GPR107: variants seen among roughly 807,000 people sequenced by gnomAD.
GPR107 encodes protein GPR107.
Under a neutral mutation model 75.5 loss-of-function variants are expected in GPR107, and 31 were observed. That is an observed-to-expected ratio of 0.41 (90% CI 0.31 to 0.55). The LOEUF (loss-of-function observed/expected upper bound fraction) is 0.55. Among genes scored for constraint, GPR107 ranks in the 20% least tolerant of loss-of-function variants. GPR107 has a pLI of 0.26. For synonymous variants in GPR107, 267 were observed against 251.3 expected, an observed-to-expected ratio of 1.06 and a Z score of -0.59; for missense variants, 572 against 665.7, an observed-to-expected ratio of 0.86 and a Z score of 1.55.
chr9:130,126,975 G>T (rs1286622388), intron 15 of GPR107, among the ~76,000 whole-genome samples: 2 of 152,178 alleles, frequency 1.3e-5, no homozygotes, highest in Non-Finnish European at 2.9e-5. Context: ...ACTGCAAGGA[G>T]AAATGAAGGC....
intron 17 of GPR107, chr9:130,129,650 A>C (rs1221616727): frequency 6.6e-6 from 1 of 152,300 alleles, no homozygotes; most frequent in African/African-American, 2.4e-5. Context: ...TAAACAGTGG[A>C]GAGGAGTGCA....
rs558269421 is a variant in GPR107, at chr9:130,104,504, C to T, written c.1216C>T (p.Leu406=). The T allele has an allele frequency of 6.2e-7, 1 of 1,613,576 alleles. No homozygotes were observed. The highest frequency in any genetic ancestry group is 1.1e-5 in the South Asian group (1 of 91,060). ...EYGLWKDSLF[L]VDLLCCGAIL... ...TGGCTTGTGGAAGGACTCTCTATTT[C>T]TGGTCGACCTGTTGTGTTGTGGTGC... Residue 406 remains leucine (L), a synonymous_variant, in exon 13 of 18, where the codon CTG becomes TTG. Transcript: ENST00000347136.
chr9:130,119,385 C>T (rs546111186), intron 14 of GPR107, among the ~76,000 whole-genome samples: 1 of 152,304 alleles, frequency 6.6e-6, no homozygotes, highest in African/African-American at 2.4e-5. Flanking sequence ...TGGGCTAATC[C>T]TATATGACAC....
At chr9:130,133,942 C>T (rs1342542894) in intron 17 of GPR107, among the ~76,000 whole-genome samples, 2 of 152,148 alleles carry the variant, frequency 1.3e-5, no homozygotes, top group Non-Finnish European at 2.9e-5. Context: ...GGTCCAGCTG[C>T]ATGCACTCTA....
At chr9:130,065,139 G>A (rs1210344052) in intron 1 of GPR107, among the ~76,000 whole-genome samples, 1 of 152,128 alleles carries the variant, frequency 6.6e-6, no homozygotes, top group Non-Finnish European at 1.5e-5. Flanking sequence ...AACTTTCAGA[G>A]AACATGTTTA....
intron 14 of GPR107, among the ~76,000 whole-genome samples, chr9:130,119,208 C>T (rs1262272130): frequency 1.3e-5 from 2 of 152,318 alleles, no homozygotes; most frequent in African/African-American, 4.8e-5. Context: ...AGAGCGGGCT[C>T]CACCCCTGCT....
intron 1 of GPR107, among the ~76,000 whole-genome samples, chr9:130,069,083 T>TA (rs573724326): frequency 1.5e-3 from 231 of 152,218 alleles, no homozygotes; most frequent in African/African-American, 5.5e-3. Flanking sequence ...ATGTGGTAGT[T>TA]AAAAAAATAG....
At position 130,103,644 on chromosome 9, in the gene GPR107, C is replaced by G. The variant is rs1162363315; in HGVS notation, c.1132-776C>G. ...CCCTCTGGTCTCTGAAAACACAGTT[C>G]CATTGTCTGGCACTTAGATGAGTTA... On this transcript the variant is annotated intron_variant, in intron 12 of 17. Transcript: ENST00000347136. The surrounding 1 kb of genome is among the most constrained non-coding windows in gnomAD (Gnocchi z 4.3). Among the ~76,000 whole-genome samples the G allele has an allele frequency of 1.3e-5, 2 of 152,160 alleles. No individual in the cohort carries two copies. Among genetic ancestry groups the G allele is most frequent in the Non-Finnish European group, 2.9e-5 (2 of 68,034 alleles).
chr9:130,087,308 G>A (rs1356461923), intron 7 of GPR107, among the ~76,000 whole-genome samples: 1 of 152,108 alleles, frequency 6.6e-6, no homozygotes. Context: ...AAAGTGCCGA[G>A]ATTACAGATG....
intron 1 of GPR107, among the ~76,000 whole-genome samples, chr9:130,069,984 C>CTTTTTTTTTTTTTTTTTTTTTTTTT (rs1045979986): frequency 6.6e-5 from 3 of 45,382 alleles, no homozygotes; most frequent in African/African-American, 1.7e-4. Flanking sequence ...TGCCTGGCCT[C>CTTTTTTTTTTTTTTTTTTTTTTTTT]TTTTTTTTTT....
chr9:130,102,013 T>C (rs895238791), intron 12 of GPR107, among the ~76,000 whole-genome samples: 1 of 152,126 alleles, frequency 6.6e-6, no homozygotes, highest in Non-Finnish European at 1.5e-5. Context: ...CATCCACCCT[T>C]ACGTTCAATA....
chr9:130,094,656 A>T (rs12683360), intron 9 of GPR107, among the ~76,000 whole-genome samples: 34,993 of 151,160 alleles, frequency 0.23, 4,161 homozygotes, highest in Non-Finnish European at 0.28. Context: ...GGGTTTTTTT[A>T]TTTTGTTTTG....
chr9:130,103,826 C>T lies in GPR107; in HGVS notation c.1132-594C>T, dbSNP rs910943486. 2.0e-5 allele frequency among the ~76,000 whole-genome samples: 3 copies of T among 152,222 alleles called. No individual in the cohort carries two copies. The highest frequency in any genetic ancestry group is 1.3e-4 in the Admixed American group (2 of 15,284). On this transcript the variant is annotated intron_variant, in intron 12 of 17. Coordinates refer to ENST00000347136, the MANE Select transcript of GPR107 (RefSeq NM_020960.5). The surrounding 1 kb of genome is among the most constrained non-coding windows in gnomAD (Gnocchi z 4.3). ...TGTTATCTACTGCTGCATAACAAAT[C>T]ACCCCAAAACTCAGCGACTTAAAAC...
rs1461290960 is a variant in GPR107, at chr9:130,101,086, T to C, written c.1014-20T>C. 3.0e-6 allele frequency: 4 copies of C among 1,354,812 alleles called. No homozygotes were observed. In the South Asian group the frequency reaches 4.6e-5, roughly 16 times the overall value. 83.9% of individuals were successfully genotyped at this position (1,354,812 alleles called of 1,614,324 possible). ...GTCTAAAGAGACCTGCTGGTGTCTG[T>C]TCCTTGTTTTCTCTTCCAGTTTGAA... On this transcript the variant is annotated intron_variant, in intron 11 of 17. Coordinates refer to ENST00000347136, the MANE Select transcript of GPR107 (RefSeq NM_020960.5).
intron 14 of GPR107, among the ~76,000 whole-genome samples, chr9:130,110,071 G>C (rs191483319): frequency 6.6e-6 from 1 of 151,962 alleles, no homozygotes; most frequent in Admixed American, 6.6e-5. Flanking sequence ...CCTTCTTTGC[G>C]TCCTCCCCGG....
intron 1 of GPR107, among the ~76,000 whole-genome samples, chr9:130,060,588 C>G (rs919856265): frequency 7.9e-5 from 12 of 151,882 alleles, no homozygotes; most frequent in African/African-American, 2.9e-4. Flanking sequence ...CTCGGCTAAT[C>G]TGAGTTTTAC....
chr9:130,090,526 G>A (rs1589504036), intron 7 of GPR107, among the ~76,000 whole-genome samples: 1 of 152,272 alleles, frequency 6.6e-6, no homozygotes, highest in African/African-American at 2.4e-5. Flanking sequence ...TGATAAAACA[G>A]GCATAGTAAA....
intron 7 of GPR107, among the ~76,000 whole-genome samples, chr9:130,087,130 T>G (rs1830631915): frequency 6.6e-6 from 1 of 151,922 alleles, no homozygotes; most frequent in South Asian, 2.1e-4. Context: ...CTCAACCTCC[T>G]AGGCTCAAGT....
At chr9:130,056,924 CAAA>C (rs11442007) in intron 1 of GPR107, among the ~76,000 whole-genome samples, 26 of 42,892 alleles carry the variant, frequency 6.1e-4, no homozygotes, top group African/African-American at 2.9e-3. Context: ...GACTCCTTCT[CAAA>C]AAAAAAAAAA....
Sources: gnomAD v4.1 joint callset for allele counts (sites outside exome capture counted in the v4.1 genomes callset) on GRCh38, gnomAD v4.1.1 for gene constraint, Gnocchi (gnomAD v3.1) non-coding constraint, MANE v1.5 for transcripts, NCBI Gene and HGNC (gene_info 2026-07-23, HGNC 2026-07-21) for gene names.